CALN1: variants seen among roughly 807,000 people sequenced by gnomAD.
CALN1 encodes calneuron 1.
CALN1 carries 17 observed loss-of-function variants against 30.6 expected under a neutral mutation model. The observed-to-expected ratio is 0.56, with a 90% CI of 0.38 to 0.83. The LOEUF (loss-of-function observed/expected upper bound fraction) is 0.83, where lower values mean the gene tolerates loss of function less well. CALN1 is among the 40% of genes least tolerant of loss of function. The pLI, the probability that CALN1 is intolerant of heterozygous loss-of-function variation, is 0.00. For synonymous variants in CALN1, 156 were observed against 131.4 expected, an observed-to-expected ratio of 1.19 and a Z score of -1.28; for missense variants, 291 against 354.9, an observed-to-expected ratio of 0.82 and a Z score of 1.45.
At chr7:72,296,079 T>C (rs1171058595) in intron 2 of CALN1, among the ~76,000 whole-genome samples, 5 of 152,250 alleles carry the variant, frequency 3.3e-5, no homozygotes, top group East Asian at 1.9e-4. Flanking sequence ...ATGAAGGTTG[T>C]TGAATTTTGT....
At chr7:71,915,513 C>T (rs1049822929) in intron 5 of CALN1, among the ~76,000 whole-genome samples, 1 of 152,096 alleles carries the variant, frequency 6.6e-6, no homozygotes, top group African/African-American at 2.4e-5. Context: ...GCAGGCAGAT[C>T]GCAAAGTCAA....
chr7:72,078,060 G>A (rs1412133260), intron 4 of CALN1, among the ~76,000 whole-genome samples: 2 of 152,166 alleles, frequency 1.3e-5, no homozygotes, highest in African/African-American at 2.4e-5. Context: ...CTAATGACTA[G>A]GTATGTAAAT....
intron 5 of CALN1, among the ~76,000 whole-genome samples, chr7:71,908,340 T>C (rs1794249881): frequency 6.6e-6 from 1 of 152,152 alleles, no homozygotes; most frequent in African/African-American, 2.4e-5. Context: ...AAATTTGGAA[T>C]TATTTTTCTT....
chr7:72,403,453 T>G lies in CALN1; in HGVS notation c.-73-11A>C, dbSNP rs1806485838. The G allele has an allele frequency of 8.7e-7, 1 of 1,143,352 alleles. No homozygotes were observed. Among genetic ancestry groups the G allele is most frequent in the Non-Finnish European group, 1.2e-6 (1 of 812,898 alleles). The allele number at this position is 1,143,352 out of a possible 1,614,324, so 70.8% of individuals were successfully genotyped here. ...GAAGGCACTGAGACTCTGAAAGGAG[T>G]TGACAGAAACTTACAGCCTGCACAG... On this transcript the variant is annotated splice_polypyrimidine_tract_variant and intron_variant, in intron 1 of 6. Transcript: ENST00000395275.
At chr7:72,207,074 G>T (rs914365708) in intron 3 of CALN1, among the ~76,000 whole-genome samples, 3 of 152,058 alleles carry the variant, frequency 2.0e-5, no homozygotes, top group South Asian at 2.1e-4. Context: ...ATTACAATTT[G>T]CCAGAAAGAA....
At chr7:72,272,662 G>T (rs1797074065) in intron 3 of CALN1, among the ~76,000 whole-genome samples, 1 of 152,154 alleles carries the variant, frequency 6.6e-6, no homozygotes, top group South Asian at 2.1e-4. Flanking sequence ...AATGAAATTG[G>T]AGAGACACAA....
chr7:72,233,081 C>G (rs1171263425), intron 3 of CALN1, among the ~76,000 whole-genome samples: 2 of 151,512 alleles, frequency 1.3e-5, no homozygotes, highest in African/African-American at 4.9e-5. Context: ...AGTTCTTTCT[C>G]TGATTGTTGA....
rs149534155 is a variant in CALN1 at position 71,890,487 on chromosome 7, T to A, written c.502-79995A>T. ...TCCCTCTTTCTCTCTCCATACTGTG[T>A]TCCTCCTTTATTCTAGCAATACTTT... is the stretch of plus-strand genomic sequence containing the variant. On this transcript the variant is annotated intron_variant, in intron 5 of 6. Coordinates refer to ENST00000395275, the MANE Select transcript of CALN1 (RefSeq NM_031468.4). 3.3e-4 allele frequency among the ~76,000 whole-genome samples: 51 copies of A among 152,326 alleles called. No homozygotes were observed. The East Asian group carries it at 8.3e-3, about 25-fold the overall frequency.
intron 2 of CALN1, among the ~76,000 whole-genome samples, chr7:72,294,275 T>C (rs373645046): frequency 5.9e-5 from 9 of 152,208 alleles, no homozygotes; most frequent in African/African-American, 1.4e-4. Flanking sequence ...TCAAATGTAA[T>C]AGAAAATAAA....
intron 2 of CALN1, among the ~76,000 whole-genome samples, chr7:72,320,467 G>A (rs1324088289): frequency 2.0e-5 from 3 of 152,156 alleles, no homozygotes; most frequent in African/African-American, 4.8e-5. Flanking sequence ...GCAGAAAAGA[G>A]CCACGGTCCT....
At chr7:71,984,470 T>A (rs567590953) in intron 5 of CALN1, among the ~76,000 whole-genome samples, 4 of 152,256 alleles carry the variant, frequency 2.6e-5, no homozygotes, top group South Asian at 4.1e-4. Flanking sequence ...GTTATCCAGG[T>A]GAAGAATTTG....
chr7:71,890,809 A>G (rs1161952380), intron 5 of CALN1, among the ~76,000 whole-genome samples: 3 of 137,930 alleles, frequency 2.2e-5, no homozygotes, highest in Admixed American at 1.7e-4. Context: ...GCAGTGGTGC[A>G]GTTATGGCTC....
intron 2 of CALN1, among the ~76,000 whole-genome samples, chr7:72,387,960 TGC>T (rs1307072451): frequency 6.6e-6 from 1 of 152,188 alleles, no homozygotes; most frequent in East Asian, 1.9e-4. Flanking sequence ...TGTGTTCTAT[TGC>T]ACAGTAAAGT....
chr7:71,804,954 TA>T lies in CALN1; in HGVS notation c.658+5381del, dbSNP rs111597347. Among the ~76,000 whole-genome samples the T allele has an allele frequency of 1.2e-3, 182 of 151,958 alleles. 1 individual carries two copies. Among genetic ancestry groups the T allele is most frequent in the Admixed American group, 4.3e-3 (65 of 15,244 alleles). On this transcript the variant is annotated intron_variant, in intron 6 of 6. Coordinates refer to ENST00000395275, the MANE Select transcript of CALN1 (RefSeq NM_031468.4). The stretch of plus-strand genomic sequence containing the variant: ...TGGGCAACAAGAGCAAAACTCCATA[TA>T]AAAAAAATATAAATAAAATAAAAAA...
intron 3 of CALN1, among the ~76,000 whole-genome samples, chr7:72,185,042 C>A (rs902150067): frequency 9.9e-5 from 15 of 152,122 alleles, no homozygotes; most frequent in Non-Finnish European, 2.1e-4. Context: ...TGGGCTCAAG[C>A]GATCATCCCA....
At chr7:72,451,447 GAGA>G (rs1808662628), upstream of CALN1, among the ~76,000 whole-genome samples, 1 of 151,672 alleles carries the variant, frequency 6.6e-6, no homozygotes, top group Non-Finnish European at 1.5e-5. Flanking sequence ...GGAGGAGAAG[GAGA>G]AGAAGAGAAG....
chr7:72,100,490 T>C (rs73371717), intron 4 of CALN1, among the ~76,000 whole-genome samples: 2,794 of 152,096 alleles, frequency 0.018, 80 homozygotes, highest in African/African-American at 0.061. Flanking sequence ...GCAAGATCCT[T>C]AAATCTTATA....
chr7:71,992,465 T>G (rs1799005408), intron 5 of CALN1, among the ~76,000 whole-genome samples: 1 of 152,176 alleles, frequency 6.6e-6, no homozygotes. Context: ...TGAGCCATCC[T>G]CCCACCTCAG....
chr7:72,485,464 C>G, the CALN1 span, among the ~76,000 whole-genome samples: 1 of 152,094 alleles, frequency 6.6e-6, no homozygotes, highest in Non-Finnish European at 1.5e-5. Context: ...TTTTTAAATC[C>G]ATGCATAAAT....
Sources: allele counts gnomAD v4.1 joint callset (sites outside exome capture counted in the v4.1 genomes callset), GRCh38; gene constraint gnomAD v4.1.1; transcripts MANE v1.5; gene names NCBI Gene and HGNC (gene_info 2026-07-23, HGNC 2026-07-21).